STXBP5L: variants seen among roughly 807,000 people sequenced by gnomAD.
STXBP5L encodes syntaxin binding protein 5L.
STXBP5L carries 65 observed loss-of-function variants against 144.5 expected under a neutral mutation model. The observed-to-expected ratio is 0.45, with a 90% CI of 0.37 to 0.55. STXBP5L has a LOEUF of 0.55. STXBP5L is among the 20% of genes least tolerant of loss of function. STXBP5L has a pLI of 0.00. For synonymous variants in STXBP5L, 505 were observed against 469.6 expected (o/e 1.08, Z -0.97); for missense variants, 1,298 against 1,405.5 (o/e 0.92, Z 1.22).
intron 3 of STXBP5L, among the ~76,000 whole-genome samples, chr3:120,975,314 G>A (rs566511889): frequency 5.3e-5 from 8 of 152,140 alleles, no homozygotes; most frequent in Non-Finnish European, 7.4e-5. Flanking sequence ...AATTGTGAAT[G>A]GGAGTTCACT....
intron 1 of STXBP5L, among the ~76,000 whole-genome samples, chr3:120,908,882 G>C (rs1553742651): frequency 1.3e-5 from 2 of 151,034 alleles, no homozygotes; most frequent in Non-Finnish European, 3.0e-5. Flanking sequence ...AGGGGGAGGC[G>C]GAGGGACAAG....
At chr3:121,355,878 G>A (rs2045492260) in intron 20 of STXBP5L, among the ~76,000 whole-genome samples, 1 of 152,190 alleles carries the variant, frequency 6.6e-6, no homozygotes, top group Non-Finnish European at 1.5e-5. Context: ...TTTTGGTGTA[G>A]ATGTTCTTAT....
At chr3:121,091,049 A>G (rs996871098) in intron 5 of STXBP5L, among the ~76,000 whole-genome samples, 7 of 149,930 alleles carry the variant, frequency 4.7e-5, no homozygotes, top group African/African-American at 1.5e-4. Flanking sequence ...TGTTCTTGTG[A>G]TAGTTTACTG....
intron 9 of STXBP5L, among the ~76,000 whole-genome samples, chr3:121,204,737 AAAG>A (rs1441625321): frequency 6.6e-6 from 1 of 152,146 alleles, no homozygotes; most frequent in African/African-American, 2.4e-5. Context: ...TGAAAATAAA[AAAG>A]AAACAAATAT....
intron 5 of STXBP5L, among the ~76,000 whole-genome samples, chr3:121,084,607 T>C (rs1394691049): frequency 6.6e-6 from 1 of 152,218 alleles, no homozygotes; most frequent in Non-Finnish European, 1.5e-5. Flanking sequence ...CAGTCTATCA[T>C]TGATGGGCAT....
chr3:121,350,152 T>C (rs2045210865), intron 20 of STXBP5L, among the ~76,000 whole-genome samples: 1 of 152,168 alleles, frequency 6.6e-6, no homozygotes. Context: ...AGGGCAGGCC[T>C]GGTGGTGACA....
intron 18 of STXBP5L, among the ~76,000 whole-genome samples, chr3:121,263,531 A>G (rs1281548048): frequency 2.6e-5 from 4 of 152,204 alleles, no homozygotes; most frequent in African/African-American, 9.6e-5. Flanking sequence ...TCTGAGCTAA[A>G]GGAGCATGTT....
rs114089649 is a variant in STXBP5L at position 121,070,716 on chromosome 3, T to C, written c.470+25181T>C. ...TGGCTCTGCTGCTGAGTTTTTCTTG[T>C]CCTAGATTTTTACAGGTGGTTTTAA... On this transcript the variant is annotated intron_variant, in intron 5 of 26. Coordinates refer to ENST00000471454, the MANE Select transcript of STXBP5L (RefSeq NM_001308330.2). 7.3e-3 allele frequency among the ~76,000 whole-genome samples: 1,117 copies of C among 152,226 alleles called. 13 individuals carry two copies. The highest frequency in any genetic ancestry group is 0.026 in the African/African-American group (1,071 of 41,522).
At chr3:121,291,162 T>C (rs992148311) in intron 19 of STXBP5L, among the ~76,000 whole-genome samples, 20 of 151,838 alleles carry the variant, frequency 1.3e-4, no homozygotes, top group Non-Finnish European at 2.4e-4. Context: ...TAAAGACACA[T>C]CCAAAAAGCA....
At chr3:121,393,090 T>A (rs1305915693) in intron 22 of STXBP5L, among the ~76,000 whole-genome samples, 5 of 151,788 alleles carry the variant, frequency 3.3e-5, no homozygotes, top group Non-Finnish European at 7.4e-5. Flanking sequence ...TTTGCCAAAG[T>A]CTATTTTTTT....
At chr3:121,093,012 T>G (rs1213822674) in intron 5 of STXBP5L, among the ~76,000 whole-genome samples, 1 of 152,244 alleles carries the variant, frequency 6.6e-6, no homozygotes, top group East Asian at 1.9e-4. Context: ...AGGCCTTTTC[T>G]GCAGCTATTG....
At chr3:121,381,272 T>G (rs767063744) in intron 21 of STXBP5L, 21 bp from the exon 22 acceptor site, 1 of 1,570,066 alleles carries the variant, frequency 6.4e-7, no homozygotes, top group African/African-American at 1.4e-5. Context: ...TTGTGTGGTT[T>G]TTTTTTATTT....
chr3:121,124,565 C>A (rs747336476), intron 7 of STXBP5L, among the ~76,000 whole-genome samples: 5 of 151,938 alleles, frequency 3.3e-5, no homozygotes, highest in Non-Finnish European at 7.4e-5. Flanking sequence ...GTGACTTAAT[C>A]TTCTTAAAGA....
In STXBP5L at chr3:121,047,138, A is replaced by G. The variant is rs182689950; in HGVS notation, c.470+1603A>G. Reference sequence around the variant, plus strand: ...AAAGTCATTCAGGACCAGGTTGTTTAATTTCCATCCAATTGTATGGTTTTG... The same window carrying G: ...AAAGTCATTCAGGACCAGGTTGTTTGATTTCCATCCAATTGTATGGTTTTG... On this transcript the variant is annotated intron_variant, in intron 5 of 26. Transcript: ENST00000471454. Among the ~76,000 whole-genome samples the G allele has an allele frequency of 3.7e-3, 557 of 152,138 alleles. 1 individual carries two copies. Among genetic ancestry groups the G allele is most frequent in the Non-Finnish European group, 5.0e-3 (337 of 67,984 alleles).
chr3:121,020,892 C>G (rs564546850), intron 3 of STXBP5L, among the ~76,000 whole-genome samples: 2 of 150,036 alleles, frequency 1.3e-5, no homozygotes, highest in African/African-American at 4.9e-5. Flanking sequence ...ACAAATAGCA[C>G]AATGAGTACA....
intron 6 of STXBP5L, among the ~76,000 whole-genome samples, chr3:121,115,438 G>T (rs1433961097): frequency 6.6e-6 from 1 of 152,072 alleles, no homozygotes; most frequent in Non-Finnish European, 1.5e-5. Flanking sequence ...CTTGTAGCTT[G>T]TTCTTTTCTT....
At chr3:121,160,123 C>T (rs1358625693) in intron 9 of STXBP5L, among the ~76,000 whole-genome samples, 2 of 152,038 alleles carry the variant, frequency 1.3e-5, no homozygotes, top group Non-Finnish European at 2.9e-5. Context: ...ACAAATAGGT[C>T]AGGGTAGTTG....
intron 3 of STXBP5L, among the ~76,000 whole-genome samples, chr3:121,025,110 AC>A (rs1945835055): frequency 6.6e-6 from 1 of 152,154 alleles, no homozygotes; most frequent in Non-Finnish European, 1.5e-5. Flanking sequence ...TTAGGTAACC[AC>A]CCAACTCAAT....
At chr3:121,039,292 A>T (rs1576743165) in intron 3 of STXBP5L, among the ~76,000 whole-genome samples, 2 of 151,874 alleles carry the variant, frequency 1.3e-5, no homozygotes, top group Non-Finnish European at 2.9e-5. Flanking sequence ...TTATATTAAT[A>T]GTGTGCAGCT....
Sources: gnomAD v4.1 joint callset for allele counts (sites outside exome capture counted in the v4.1 genomes callset) on GRCh38, gnomAD v4.1.1 for gene constraint, MANE v1.5 for transcripts, NCBI Gene and HGNC (gene_info 2026-07-23, HGNC 2026-07-21) for gene names.